LSG1: variants seen among roughly 807,000 people sequenced by gnomAD.
LSG1 encodes the protein large 60S subunit nuclear export GTPase 1, also known as large subunit GTPase 1 homolog.
A neutral mutation model predicts 82.6 loss-of-function variants in LSG1; 55 were observed. The ratio of observed to expected loss-of-function variants is 0.67; its 90% CI spans 0.54 to 0.83. The LOEUF is 0.83. LSG1 is among the 40% of genes least tolerant of loss of function. The pLI is 0.00. For synonymous variants in LSG1, 272 were observed against 282.5 expected (o/e 0.96, Z 0.37); for missense variants, 809 against 807.9 (o/e 1.00, Z -0.02).
intron 8 of LSG1, among the ~76,000 whole-genome samples, chr3:194,652,278 G>T (rs1176873860): frequency 6.6e-6 from 1 of 152,182 alleles, no homozygotes; most frequent in East Asian, 1.9e-4. Context: ...ACTATGCAGT[G>T]TTTATGCAAC....
intron 5 of LSG1, among the ~76,000 whole-genome samples, chr3:194,661,440 A>G (rs1718925247): frequency 6.6e-6 from 1 of 152,228 alleles, no homozygotes; most frequent in South Asian, 2.1e-4. Flanking sequence ...ACATTTCAAG[A>G]CAGCTGCTTC....
intron 5 of LSG1, among the ~76,000 whole-genome samples, chr3:194,665,318 C>T (rs1719009617): frequency 6.6e-6 from 1 of 152,180 alleles, no homozygotes; most frequent in Non-Finnish European, 1.5e-5. Context: ...TATATAGGTG[C>T]TTCAGAATTC....
chr3:194,651,240 A>T (rs945852255), intron 8 of LSG1, 24 bp from the exon 9 acceptor site: 2 of 1,439,102 alleles, frequency 1.4e-6, no homozygotes, highest in South Asian at 2.3e-5. Flanking sequence ...AGAAGTTACC[A>T]AACAGTAAAA....
At chr3:194,657,167 A>C (rs1028512980) in intron 7 of LSG1, among the ~76,000 whole-genome samples, 1 of 129,050 alleles carries the variant, frequency 7.7e-6, no homozygotes, top group Non-Finnish European at 1.6e-5. Context: ...AATTAAAAAG[A>C]AAAAAAAGGC....
At chr3:194,669,681 C>G (rs1035745391) in intron 2 of LSG1, among the ~76,000 whole-genome samples, 2 of 152,190 alleles carry the variant, frequency 1.3e-5, no homozygotes, top group South Asian at 4.1e-4. Flanking sequence ...CACCTGTAAT[C>G]CCAGCACTTT....
intron 1 of LSG1, 182 bp downstream of exon 1, chr3:194,671,882 C>G (rs1282645450): frequency 1.5e-6 from 1 of 655,182 alleles, no homozygotes; most frequent in Admixed American, 2.7e-5. Context: ...GCTTCTCCTA[C>G]CTTTGTGTTC....
intron 8 of LSG1, 169 bp from the exon 9 acceptor site, chr3:194,651,385 GTA>G (rs1285609009): frequency 1.7e-6 from 1 of 602,530 alleles, no homozygotes; most frequent in African/African-American, 1.9e-5. Context: ...TGTGGTGTGG[GTA>G]TATTTATTCA....
intron 6 of LSG1, among the ~76,000 whole-genome samples, chr3:194,659,771 T>C (rs917108461): frequency 6.6e-6 from 1 of 152,206 alleles, no homozygotes; most frequent in Non-Finnish European, 1.5e-5. Flanking sequence ...ATAAATAAAA[T>C]GCTATTTCAA....
chr3:194,667,942 A>AAAAAAAAAAAAAAAAAT (rs1416407494), intron 2 of LSG1, among the ~76,000 whole-genome samples: 113 of 86,944 alleles, frequency 1.3e-3, no homozygotes, highest in East Asian at 3.4e-3. Context: ...AAAAAAAAAA[A>AAAAAAAAAAAAAAAAAT]ATATATATAT....
chr3:194,652,432 T>C (rs538137837), intron 8 of LSG1, among the ~76,000 whole-genome samples: 1 of 152,254 alleles, frequency 6.6e-6, no homozygotes, highest in Non-Finnish European at 1.5e-5. Flanking sequence ...CATTAACATC[T>C]CTCTCATTCT....
rs536083223 is a variant in LSG1, at chr3:194,664,750, C to T, written c.521+807G>A. On this transcript the variant is annotated intron_variant, in intron 5 of 13. Transcript: ENST00000265245. ...CCAACATGGTGAAACCCTGTCTCTA[C>T]TAAAAATACAAAAAAAAAAATTAGC... Among the ~76,000 whole-genome samples, 74 of 151,682 alleles carry T rather than the reference C, an allele frequency of 4.9e-4. 1 individual carries two copies. Among genetic ancestry groups the T allele is most frequent in the Admixed American group, 3.7e-3 (56 of 15,234 alleles).
At chr3:194,649,710 T>C (rs1482039774) in intron 10 of LSG1, among the ~76,000 whole-genome samples, 2 of 151,824 alleles carry the variant, frequency 1.3e-5, no homozygotes, top group Non-Finnish European at 1.5e-5. Flanking sequence ...AAAAAAGCTA[T>C]ACACTTTTTC....
At chr3:194,650,845 G>A (rs752607172) in intron 10 of LSG1, 36 bp downstream of exon 10, 37 of 1,579,806 alleles carry the variant, frequency 2.3e-5, no homozygotes, top group African/African-American at 1.8e-4. Flanking sequence ...TAATATGCAC[G>A]TAATAACTAG....
intron 13 of LSG1, among the ~76,000 whole-genome samples, chr3:194,644,189 C>T (rs1416469299): frequency 1.3e-5 from 2 of 151,760 alleles, no homozygotes; most frequent in African/African-American, 4.8e-5. Context: ...GGTGAAACCC[C>T]GTCTCTACTA....
At chr3:194,650,629 T>A (rs1321474765) in intron 10 of LSG1, 3 of 364,790 alleles carry the variant, frequency 8.2e-6, no homozygotes. Flanking sequence ...TTACATGGCA[T>A]TGTTAAATAG....
intron 5 of LSG1, among the ~76,000 whole-genome samples, chr3:194,664,900 A>G (rs111288994): frequency 0.06 from 9,120 of 152,208 alleles, 303 homozygotes; most frequent in Middle Eastern, 0.11. Flanking sequence ...AGCCTGGGCA[A>G]TAAGAGCAAA....
chr3:194,660,247 A>G lies in LSG1; in HGVS notation c.522-114T>C, dbSNP rs554191342. 3 of 800,190 alleles carry G rather than the reference A, an allele frequency of 3.7e-6. No homozygotes were observed. The South Asian group carries it at 4.3e-5, about 11-fold the overall frequency. 49.6% of individuals were successfully genotyped at this position (800,190 alleles called of 1,614,324 possible). A position where few individuals can be genotyped will look rare whatever the true frequency, so the allele number is the denominator to read the frequency against. On this transcript the variant is annotated intron_variant, in intron 5 of 13. Transcript: ENST00000265245. ...GCAATATATTAAGCACTGGACATAT[A>G]TTAACTTTTTAAGGTATAATTATTC...
chr3:194,650,525 A>G (rs1175438931), intron 10 of LSG1, among the ~76,000 whole-genome samples: 1 of 152,252 alleles, frequency 6.6e-6, no homozygotes, highest in Non-Finnish European at 1.5e-5. Context: ...TATACTGATT[A>G]AATATAATCA....
At chr3:194,668,876 C>T (rs1719085341) in intron 2 of LSG1, among the ~76,000 whole-genome samples, 1 of 151,566 alleles carries the variant, frequency 6.6e-6, no homozygotes, top group African/African-American at 2.4e-5. Context: ...TTCAGCATTA[C>T]AAAAGAGGGA....
Sources: allele counts gnomAD v4.1 joint callset (sites outside exome capture counted in the v4.1 genomes callset), GRCh38; gene constraint gnomAD v4.1.1; transcripts MANE v1.5; gene names NCBI Gene and HGNC (gene_info 2026-07-23, HGNC 2026-07-21).